MAP3K5: variants seen among roughly 807,000 people sequenced by gnomAD.
The protein encoded by MAP3K5 is ASK-1.
MAP3K5 carries 56 observed loss-of-function variants against 158.7 expected under a neutral mutation model. The observed-to-expected ratio is 0.35, with a 90% CI of 0.28 to 0.44. The LOEUF (loss-of-function observed/expected upper bound fraction) is 0.44. Ranked by LOEUF, MAP3K5 falls within the 20% of genes least tolerant of loss-of-function variation. The probability of loss-of-function intolerance (pLI) is 1.00; values close to 1 mark genes in which losing one functional copy is unlikely to be tolerated. For missense variants in MAP3K5, 1,294 were observed against 1,674.8 expected (o/e 0.77, Z 3.97); for synonymous variants, 579 against 601.7 (o/e 0.96, Z 0.55).
At chr6:136,722,970 G>A (rs1403020742) in intron 1 of MAP3K5, among the ~76,000 whole-genome samples, 1 of 151,936 alleles carries the variant, frequency 6.6e-6, no homozygotes, top group African/African-American at 2.4e-5. Context: ...TTACAGGCAT[G>A]AGCCACCACA....
At chr6:136,746,649 A>AG (rs1491332402) in intron 1 of MAP3K5, among the ~76,000 whole-genome samples, 3 of 152,154 alleles carry the variant, frequency 2.0e-5, no homozygotes, top group African/African-American at 4.8e-5. Flanking sequence ...ATGGTTTAAC[A>AG]GGGGAAAAAA....
intron 1 of MAP3K5, among the ~76,000 whole-genome samples, chr6:136,734,160 C>T (rs1423425461): frequency 6.6e-6 from 1 of 151,862 alleles, no homozygotes; most frequent in Non-Finnish European, 1.5e-5. Context: ...CTCACCTCAC[C>T]GTAATCCCAG....
intron 1 of MAP3K5, among the ~76,000 whole-genome samples, chr6:136,739,561 G>A (rs1347603905): frequency 6.6e-6 from 1 of 152,102 alleles, no homozygotes; most frequent in Non-Finnish European, 1.5e-5. Flanking sequence ...CAGGAAGTAT[G>A]GAATCAGTAA....
chr6:136,561,511 T>C, intron 28 of MAP3K5, 22 bp downstream of exon 28: 1 of 1,508,106 alleles, frequency 6.6e-7, no homozygotes, highest in Non-Finnish European at 9.2e-7. Context: ...AGAATACTTG[T>C]CCCACAGACA....
intron 24 of MAP3K5, among the ~76,000 whole-genome samples, chr6:136,582,707 G>A (rs1374816316): frequency 6.6e-6 from 1 of 152,202 alleles, no homozygotes; most frequent in Non-Finnish European, 1.5e-5. Context: ...TTTCTACAAA[G>A]AAGCAATACA....
At chr6:136,682,947 CTT>C (rs34673489) in intron 7 of MAP3K5, among the ~76,000 whole-genome samples, 1 of 151,998 alleles carries the variant, frequency 6.6e-6, no homozygotes. Context: ...AAAAAAAAGA[CTT>C]TTAGAAATAT....
At chr6:136,727,541 T>C (rs1476823954) in intron 1 of MAP3K5, among the ~76,000 whole-genome samples, 4 of 152,222 alleles carry the variant, frequency 2.6e-5, no homozygotes, top group Non-Finnish European at 5.9e-5. Flanking sequence ...AAGTGAGATG[T>C]GAAAATAGAT....
At chr6:136,592,776 C>A in intron 21 of MAP3K5, 162 bp from the exon 22 acceptor site, 1 of 726,948 alleles carries the variant, frequency 1.4e-6, no homozygotes, top group Non-Finnish European at 2.5e-6. Flanking sequence ...TGACTGCCTC[C>A]CTTGCTCAGC....
intron 1 of MAP3K5, among the ~76,000 whole-genome samples, chr6:136,736,126 C>A (rs377416256): frequency 6.6e-6 from 1 of 152,034 alleles, no homozygotes; most frequent in African/African-American, 2.4e-5. Context: ...GGGTTTTCCT[C>A]TTGTAATTAT....
At chr6:136,573,548 G>C (rs1774464226) in intron 25 of MAP3K5, among the ~76,000 whole-genome samples, 1 of 152,202 alleles carries the variant, frequency 6.6e-6, no homozygotes, top group South Asian at 2.1e-4. Flanking sequence ...GGTAAATAAA[G>C]TACATTTGCA....
intron 8 of MAP3K5, among the ~76,000 whole-genome samples, chr6:136,668,433 T>C (rs1409126977): frequency 3.3e-5 from 5 of 152,146 alleles, no homozygotes; most frequent in African/African-American, 9.7e-5. Context: ...CTACAATTCA[T>C]AGCTTCACTA....
intron 14 of MAP3K5, chr6:136,636,695 T>C (rs1777653142): frequency 2.8e-6 from 1 of 356,496 alleles, no homozygotes; most frequent in South Asian, 1.1e-4. Flanking sequence ...GTAATTCTAG[T>C]GCTTTGGGAG....
chr6:136,576,641 C>T (rs894989482), intron 25 of MAP3K5, among the ~76,000 whole-genome samples: 6 of 152,044 alleles, frequency 3.9e-5, no homozygotes, highest in Non-Finnish European at 5.9e-5. Context: ...GCCCCCAGCC[C>T]GGAATCAACC....
chr6:136,649,188 T>A (rs887448658), intron 11 of MAP3K5, among the ~76,000 whole-genome samples: 2 of 152,172 alleles, frequency 1.3e-5, no homozygotes, highest in African/African-American at 4.8e-5. Flanking sequence ...CAGGCTGATC[T>A]CGAACTCCTG....
intron 1 of MAP3K5, among the ~76,000 whole-genome samples, chr6:136,789,966 A>C (rs551791776): frequency 9.9e-5 from 15 of 152,246 alleles, no homozygotes; most frequent in Non-Finnish European, 1.9e-4. Flanking sequence ...TGCTGGGATT[A>C]CAGGCGTGAG....
chr6:136,599,009 A>G (rs1467962681), intron 21 of MAP3K5, among the ~76,000 whole-genome samples: 2 of 152,128 alleles, frequency 1.3e-5, no homozygotes, highest in Non-Finnish European at 1.5e-5. Flanking sequence ...CGTCTTTACT[A>G]AAAATACAAA....
intron 21 of MAP3K5, among the ~76,000 whole-genome samples, chr6:136,593,327 T>C (rs572238863): frequency 6.6e-4 from 101 of 152,316 alleles, no homozygotes; most frequent in South Asian, 1.5e-3. Context: ...TCCTCAAACA[T>C]TGGTTTTAAA....
Position 136,677,132 on chromosome 6 carries a change from ATTTT to A in MAP3K5, c.1254-7741_1254-7738del, listed in dbSNP as rs1214152994. Among the ~76,000 whole-genome samples, 235 of 93,384 alleles carry A rather than the reference ATTTT, an allele frequency of 2.5e-3. 5 individuals are homozygous for A. The East Asian group carries it at 0.032, about 13-fold the overall frequency. 61.3% of individuals were successfully genotyped at this position (93,384 alleles called of 152,430 possible). Reference sequence around the variant, plus strand: ...AGATGTTAAAATAATGATGATATCCATTTTTTTTTTTTTTTTTTTTTTTGAGGCA... The same window carrying A: ...AGATGTTAAAATAATGATGATATCCATTTTTTTTTTTTTTTTTTTGAGGCA... On this transcript the variant is annotated intron_variant, in intron 7 of 29. Transcript: ENST00000359015.
At chr6:136,573,067 G>C (rs1737206929) in intron 25 of MAP3K5, among the ~76,000 whole-genome samples, 1 of 152,208 alleles carries the variant, frequency 6.6e-6, no homozygotes, top group South Asian at 2.1e-4. Flanking sequence ...CAGATAGCTG[G>C]TAAAACATTA....
Sources: allele counts gnomAD v4.1 joint callset (sites outside exome capture counted in the v4.1 genomes callset), GRCh38; gene constraint gnomAD v4.1.1; transcripts MANE v1.5; gene names NCBI Gene and HGNC (gene_info 2026-07-23, HGNC 2026-07-21).